Variants in RIMS2 observed in about 807,000 individuals in gnomAD.
RIMS2 encodes regulating synaptic membrane exocytosis protein 2.
A neutral mutation model predicts 174.4 loss-of-function variants in RIMS2; 59 were observed. The observed-to-expected ratio is 0.34, with a 90% CI of 0.27 to 0.42. The LOEUF is 0.42. Ranked by LOEUF, RIMS2 falls within the 10% of genes least tolerant of loss-of-function variation. The pLI is 1.00. For missense variants in RIMS2, 1,620 were observed against 1,666.3 expected, an observed-to-expected ratio of 0.97 and a Z score of 0.48; for synonymous variants, 606 against 572.5, an observed-to-expected ratio of 1.06 and a Z score of -0.84.
At chr8:103,644,072 C>T (rs35052041) in intron 1 of RIMS2, among the ~76,000 whole-genome samples, 27,693 of 151,892 alleles carry the variant, frequency 0.18, 2,775 homozygotes, top group African/African-American at 0.26. Flanking sequence ...CTCTGATTTT[C>T]ACCGAGAGAA....
downstream of RIMS2, chr8:104,253,892 G>A (rs1426499178): frequency 6.6e-6 from 1 of 151,958 alleles, no homozygotes; most frequent in African/African-American, 2.4e-5. Flanking sequence ...CTTTTTATGT[G>A]GTGCAATATG....
chr8:104,069,339 A>C (rs954978048), intron 19 of RIMS2, among the ~76,000 whole-genome samples: 4 of 152,166 alleles, frequency 2.6e-5, no homozygotes, highest in African/African-American at 9.7e-5. Context: ...GCTTCTGTAC[A>C]TATTCACGAA....
chr8:103,557,201 A>G (rs955662301), intron 1 of RIMS2, among the ~76,000 whole-genome samples: 4 of 152,200 alleles, frequency 2.6e-5, no homozygotes, highest in African/African-American at 9.6e-5. Flanking sequence ...TTTTACTCAT[A>G]TTACTGATCC....
At chr8:103,765,279 A>G (rs980045150) in intron 2 of RIMS2, among the ~76,000 whole-genome samples, 1 of 152,192 alleles carries the variant, frequency 6.6e-6, no homozygotes, top group African/African-American at 2.4e-5. Flanking sequence ...CTTTCTGGCC[A>G]CAGAGATATT....
At chr8:103,891,368 A>G (rs929823399) in intron 4 of RIMS2, among the ~76,000 whole-genome samples, 4 of 152,102 alleles carry the variant, frequency 2.6e-5, no homozygotes, top group African/African-American at 7.2e-5. Context: ...CGTTTAGACC[A>G]AGAGAAAGGT....
In RIMS2 at chr8:104,010,615, G is replaced by A. The variant is rs150674643; in HGVS notation, c.3045-2827G>A. Among the ~76,000 whole-genome samples, 20 of 152,236 alleles carry A rather than the reference G, an allele frequency of 1.3e-4. No homozygotes were observed. In the East Asian group the frequency reaches 3.7e-3, roughly 28 times the overall value. On this transcript the variant is annotated intron_variant, in intron 17 of 23. Coordinates refer to ENST00000504942, the Ensembl canonical transcript of RIMS2. ...AGCACCCATTAGATAATGATGGACAGTAGCCTAGATCAATTCAAGTACAAA... is the reference window on the plus strand; with the variant it reads ...AGCACCCATTAGATAATGATGGACAATAGCCTAGATCAATTCAAGTACAAA...
chr8:103,931,358 T>C, exon 12 of RIMS2: 1 of 1,602,830 alleles, frequency 6.2e-7, no homozygotes, highest in Non-Finnish European at 8.5e-7. Context: ...GGCCAAGGAA[T>C]CCTTATGTTA....
chr8:103,733,834 A>G (rs1036856910), intron 2 of RIMS2, among the ~76,000 whole-genome samples: 1 of 151,826 alleles, frequency 6.6e-6, no homozygotes, highest in African/African-American at 2.4e-5. Context: ...GGTCTTTTCT[A>G]TCTTCAGTTC....
In RIMS2 at chr8:103,801,752, T is replaced by A. The variant is rs527821576; in HGVS notation, c.698+35215T>A. Reference sequence around the variant, plus strand: ...TATCCACTTGTTTTGTCCTTCTTATTTAAAGTCTAGTGAAGCCGTTATCCA... The same window carrying A: ...TATCCACTTGTTTTGTCCTTCTTATATAAAGTCTAGTGAAGCCGTTATCCA... On this transcript the variant is annotated intron_variant, in intron 3 of 23. Transcript: ENST00000504942. 1.1e-3 allele frequency among the ~76,000 whole-genome samples: 170 copies of A among 152,296 alleles called. 1 individual carries two copies. Among genetic ancestry groups the A allele is most frequent in the Admixed American group, 4.6e-3 (70 of 15,296 alleles).
chr8:103,591,356 A>G (rs1484608376), intron 1 of RIMS2, among the ~76,000 whole-genome samples: 1 of 151,048 alleles, frequency 6.6e-6, no homozygotes, highest in Non-Finnish European at 1.5e-5. Flanking sequence ...CTCCCAGTGT[A>G]TGCTTGTCTT....
intron 2 of RIMS2, among the ~76,000 whole-genome samples, chr8:103,712,674 A>C (rs376512928): frequency 9.0e-4 from 137 of 152,328 alleles, no homozygotes; most frequent in African/African-American, 3.2e-3. Context: ...TAAAAAATTC[A>C]TGACATCACC....
At chr8:104,009,454 C>T (rs72683139) in intron 17 of RIMS2, among the ~76,000 whole-genome samples, 9,173 of 151,808 alleles carry the variant, frequency 0.06, 408 homozygotes, top group Non-Finnish European at 0.091. Flanking sequence ...CCACCACACC[C>T]GCTATTTTTT....
chr8:103,680,356 TCA>T (rs2096864764), intron 1 of RIMS2, among the ~76,000 whole-genome samples: 1 of 152,000 alleles, frequency 6.6e-6, no homozygotes, highest in African/African-American at 2.4e-5. Flanking sequence ...AATCCCTGCA[TCA>T]CAGCACATAT....
At chr8:103,600,507 G>A (rs1370974948) in intron 1 of RIMS2, among the ~76,000 whole-genome samples, 3 of 152,200 alleles carry the variant, frequency 2.0e-5, no homozygotes, top group Non-Finnish European at 4.4e-5. Flanking sequence ...CTGACCTCAA[G>A]TGATCCGCAT....
chr8:103,850,349 T>C (rs1000809887), intron 3 of RIMS2, among the ~76,000 whole-genome samples: 2 of 152,000 alleles, frequency 1.3e-5, no homozygotes, highest in Non-Finnish European at 2.9e-5. Context: ...AAATATAATA[T>C]ATACTTGGTA....
At chr8:103,892,277 A>G (rs148659619) in intron 4 of RIMS2, among the ~76,000 whole-genome samples, 54 of 151,424 alleles carry the variant, frequency 3.6e-4, no homozygotes, top group African/African-American at 1.3e-3. Flanking sequence ...ATCATAGCTC[A>G]CTGCAGTCTT....
chr8:103,593,837 G>T (rs1474102684), intron 1 of RIMS2, among the ~76,000 whole-genome samples: 1 of 150,888 alleles, frequency 6.6e-6, no homozygotes, highest in Non-Finnish European at 1.5e-5. Context: ...AAAATAAATA[G>T]AAAATTTAAT....
At chr8:104,144,128 T>C (rs2098608590) in intron 19 of RIMS2, among the ~76,000 whole-genome samples, 1 of 152,190 alleles carries the variant, frequency 6.6e-6, no homozygotes, top group African/African-American at 2.4e-5. Flanking sequence ...CTCCTAATGA[T>C]TGACAATACT....
chr8:103,735,234 C>A (rs1023629145), intron 2 of RIMS2, among the ~76,000 whole-genome samples: 1 of 152,158 alleles, frequency 6.6e-6, no homozygotes, highest in Non-Finnish European at 1.5e-5. Flanking sequence ...GACTTCAGTA[C>A]AGTGAAGGGC....
Sources: gnomAD v4.1 joint callset for allele counts (sites outside exome capture counted in the v4.1 genomes callset) on GRCh38, gnomAD v4.1.1 for gene constraint, MANE v1.5 for transcripts, NCBI Gene and HGNC (gene_info 2026-07-23, HGNC 2026-07-21) for gene names.